Variants in CACNB2 observed in about 807,000 individuals in gnomAD.
CACNB2 encodes the protein voltage-dependent L-type calcium channel subunit beta-2.
In CACNB2, 42 loss-of-function variants were observed where a neutral mutation model predicts 73.3. The ratio of observed to expected loss-of-function variants is 0.57; its 90% CI spans 0.45 to 0.74. CACNB2 has a LOEUF of 0.74. Among genes scored for constraint, CACNB2 ranks in the 30% least tolerant of loss-of-function variants. CACNB2 has a pLI of 0.00. For synonymous variants in CACNB2, 348 were observed against 310.3 expected (o/e 1.12, Z -1.28); for missense variants, 940 against 853.0 (o/e 1.10, Z -1.27).
At position 18,140,786 on chromosome 10, in the gene CACNB2, T is replaced by C. The variant is rs530601558; in HGVS notation, c.50T>C (p.Val17Ala). 6 of 1,597,940 alleles carry C rather than the reference T, an allele frequency of 3.8e-6. No individual in the cohort carries two copies. The African/African-American group carries it at 4.0e-5, about 11-fold the overall frequency. ...TCGCCTCCCACAGCGGCGGCGGCGGTGGCGCAGGAGATCCAGATGGAACTG... is the reference window on the plus strand; with the variant it reads ...TCGCCTCCCACAGCGGCGGCGGCGGCGGCGCAGGAGATCCAGATGGAACTG... Reference protein sequence around the residue: ...SKSPPTAAAAVAQEIQMELLE... With the variant: ...SKSPPTAAAAAAQEIQMELLE... The change falls in exon 1 of 14, where the codon GTG (valine) becomes GCG (alanine). Residue 17 changes from valine to alanine, a missense_variant. By Grantham distance (64) the Val-to-Ala change is moderately conservative. Transcript: ENST00000324631.
At chr10:18,419,143 T>C (rs1313518919) in intron 3 of CACNB2, among the ~76,000 whole-genome samples, 1 of 152,178 alleles carries the variant, frequency 6.6e-6, no homozygotes, top group Admixed American at 6.5e-5. Flanking sequence ...ACAAGGAAAG[T>C]TACCGTGGTT....
intron 2 of CACNB2, among the ~76,000 whole-genome samples, chr10:18,205,177 A>G (rs2035039617): frequency 6.6e-6 from 1 of 152,164 alleles, no homozygotes; most frequent in African/African-American, 2.4e-5. Context: ...TTATCTGTCC[A>G]GTGGTTAGAA....
At chr10:18,307,165 T>A (rs1253983243) in intron 2 of CACNB2, among the ~76,000 whole-genome samples, 1 of 151,990 alleles carries the variant, frequency 6.6e-6, no homozygotes, top group Non-Finnish European at 1.5e-5. Flanking sequence ...AGTTGGTAAA[T>A]AAATGCCATT....
chr10:18,498,045 T>A (rs2049942685), intron 3 of CACNB2, among the ~76,000 whole-genome samples: 2 of 152,162 alleles, frequency 1.3e-5, no homozygotes, highest in African/African-American at 4.8e-5. Flanking sequence ...GTTTCCTGAT[T>A]TACAGTTGCT....
intron 3 of CACNB2, among the ~76,000 whole-genome samples, chr10:18,468,237 A>G (rs534458332): frequency 2.0e-5 from 3 of 152,240 alleles, no homozygotes; most frequent in South Asian, 4.1e-4. Flanking sequence ...AGGCAGGCCG[A>G]TTTCTTGAGC....
intron 2 of CACNB2, among the ~76,000 whole-genome samples, chr10:18,289,329 C>G (rs1419960163): frequency 8.8e-5 from 11 of 125,280 alleles, no homozygotes; most frequent in South Asian, 5.4e-4. Context: ...GGGTCTCACT[C>G]TGTTGCCCAG....
chr10:18,310,655 A>T (rs1378752246), intron 2 of CACNB2, among the ~76,000 whole-genome samples: 1 of 150,304 alleles, frequency 6.7e-6, no homozygotes, highest in Non-Finnish European at 1.5e-5. Flanking sequence ...AATTATAAAG[A>T]AAAGAAACCC....
At chr10:18,284,042 A>G in intron 2 of CACNB2, among the ~76,000 whole-genome samples, 1 of 152,124 alleles carries the variant, frequency 6.6e-6, no homozygotes, top group East Asian at 1.9e-4. Context: ...TCAAAAATAC[A>G]CTAATGTGAT....
chr10:18,288,509 G>GA (rs2038900314), intron 2 of CACNB2, among the ~76,000 whole-genome samples: 1 of 152,102 alleles, frequency 6.6e-6, no homozygotes. Flanking sequence ...TAGTATTGCA[G>GA]AAAATTTTAA....
intron 2 of CACNB2, chr10:18,206,310 T>G (rs898568083): frequency 1.3e-5 from 2 of 152,328 alleles, no homozygotes; most frequent in Middle Eastern, 3.1e-3. Flanking sequence ...ATGAGGATTC[T>G]TAGAGACACA....
chr10:18,308,821 C>G (rs181842535), intron 2 of CACNB2, among the ~76,000 whole-genome samples: 68 of 152,310 alleles, frequency 4.5e-4, no homozygotes, highest in Admixed American at 2.4e-3. Context: ...GACTTGACAA[C>G]TTTTTTGGGT....
Position 18,263,583 on chromosome 10 carries a change from T to A in CACNB2, c.213+112608T>A, listed in dbSNP as rs2037654728. Among the ~76,000 whole-genome samples the A allele has an allele frequency of 2.0e-5, 3 of 152,226 alleles. No individual in the cohort carries two copies. The South Asian group carries it at 6.2e-4, about 32-fold the overall frequency. On this transcript the variant is annotated intron_variant, in intron 2 of 13. Transcript: ENST00000324631. ...GCATGTGTCTTAATCTTTCACTAGT[T>A]CTTATACCTTTTCTTTTTAGTATGA...
intron 2 of CACNB2, among the ~76,000 whole-genome samples, chr10:18,152,733 CAAAAAACAAA>C (rs1564298486): frequency 5.6e-5 from 5 of 89,376 alleles, no homozygotes; most frequent in African/African-American, 2.7e-4. Flanking sequence ...AAAAAAAAAA[CAAAAAACAAA>C]ACACTAGCTC....
chr10:18,197,359 G>T (rs1426088912), intron 2 of CACNB2, among the ~76,000 whole-genome samples: 1 of 152,120 alleles, frequency 6.6e-6, no homozygotes, highest in Non-Finnish European at 1.5e-5. Flanking sequence ...GTTTTTGCCT[G>T]CAAGGAACAG....
chr10:18,248,791 C>T (rs1009806804), intron 2 of CACNB2, among the ~76,000 whole-genome samples: 3 of 152,172 alleles, frequency 2.0e-5, no homozygotes, highest in Non-Finnish European at 4.4e-5. Flanking sequence ...TCTGAGTTCC[C>T]GTGATGGAGA....
At chr10:18,405,573 T>C (rs945262716) in intron 3 of CACNB2, among the ~76,000 whole-genome samples, 1 of 152,176 alleles carries the variant, frequency 6.6e-6, no homozygotes, top group Non-Finnish European at 1.5e-5. Context: ...TTTCTTCTTT[T>C]CTCCTTTGAT....
intron 9 of CACNB2, chr10:18,519,887 A>G: frequency 2.7e-6 from 1 of 372,664 alleles, no homozygotes; most frequent in South Asian, 2.1e-5. Flanking sequence ...TTACTTGACC[A>G]TGAGCAGTAG....
chr10:18,401,501 T>G (rs977408372), intron 2 of CACNB2, among the ~76,000 whole-genome samples: 1 of 152,142 alleles, frequency 6.6e-6, no homozygotes. Flanking sequence ...AGAGTTCAAG[T>G]TTATAACTCA....
chr10:18,208,410 C>A (rs901821185), intron 2 of CACNB2, among the ~76,000 whole-genome samples: 2 of 151,986 alleles, frequency 1.3e-5, no homozygotes, highest in African/African-American at 4.8e-5. Context: ...CCTGGGAGTT[C>A]GAGACCAGAC....
Sources: gnomAD v4.1 joint callset for allele counts (sites outside exome capture counted in the v4.1 genomes callset) on GRCh38, gnomAD v4.1.1 for gene constraint, MANE v1.5 for transcripts, NCBI Gene and HGNC (gene_info 2026-07-23, HGNC 2026-07-21) for gene names.